The following URM1 variants were observed in gnomAD, a reference collection of about 807,000 sequenced individuals.
The protein encoded by URM1 is ubiquitin-related modifier 1.
Under a neutral mutation model 17.7 loss-of-function variants are expected in URM1, and 11 were observed. The observed-to-expected ratio is 0.62, with a 90% CI of 0.39 to 1.03. The LOEUF (loss-of-function observed/expected upper bound fraction) is 1.03, where lower values mean the gene tolerates loss of function less well. URM1 is among the 50% of genes least tolerant of loss of function. URM1 has a pLI of 0.00. For synonymous variants in URM1, 48 were observed against 50.6 expected, an observed-to-expected ratio of 0.95 and a Z score of 0.22; for missense variants, 128 against 129.2, an observed-to-expected ratio of 0.99 and a Z score of 0.04.
rs370348671 is a variant in URM1, at chr9:128,389,722, G to A, written c.294G>A (p.Leu98=). The A allele has an allele frequency of 8.1e-5, 130 of 1,613,392 alleles. No individual in the cohort carries two copies. The highest frequency in any genetic ancestry group is 1.0e-4 in the Non-Finnish European group (118 of 1,180,004). Residue 98 remains leucine, a synonymous_variant, in exon 5 of 5, where the codon CTG becomes CTA. Coordinates refer to ENST00000372853, the MANE Select transcript of URM1 (RefSeq NM_030914.4). ...ACAGCGTCCTCTTCATCTCCACTCTGCACGGCGGCTGAGGGCCCTTCTCTG... is the reference window on the plus strand; with the variant it reads ...ACAGCGTCCTCTTCATCTCCACTCTACACGGCGGCTGAGGGCCCTTCTCTG... The part of the protein sequence containing the change: ...DQDSVLFIST[L]HGG
chr9:128,374,785 T>C (rs1302989648), intron 1 of URM1, among the ~76,000 whole-genome samples: 3 of 152,122 alleles, frequency 2.0e-5, no homozygotes, highest in African/African-American at 7.2e-5. Context: ...CCACAAGAAG[T>C]CTGAGATGGG....
chr9:128,383,660 C>T (rs975257365), intron 2 of URM1, among the ~76,000 whole-genome samples: 2 of 152,136 alleles, frequency 1.3e-5, no homozygotes, highest in Non-Finnish European at 2.9e-5. Context: ...CAATCAGAGC[C>T]GCTCCACAGA....
At chr9:128,372,673 C>A (rs150240832) in intron 1 of URM1, among the ~76,000 whole-genome samples, 1 of 152,256 alleles carries the variant, frequency 6.6e-6, no homozygotes, top group East Asian at 1.9e-4. Context: ...GCCTCACTGA[C>A]CCTTGGCCCA....
At position 128,392,001 on chromosome 9, in the gene URM1, C is replaced by A. The variant is rs1423657077; in HGVS notation, c.*2267C>A. 6.6e-6 allele frequency: 1 copy of A among 152,346 alleles called. No homozygotes were observed. The highest frequency in any genetic ancestry group is 1.5e-5 in the Non-Finnish European group (1 of 68,134). The allele number at this position is 152,346 out of a possible 1,614,324, so 9.4% of individuals were successfully genotyped here. A position where few individuals can be genotyped will look rare whatever the true frequency, so the allele number is the denominator to read the frequency against. On this transcript the variant is annotated 3_prime_UTR_variant, in exon 5 of 5. Transcript: ENST00000372853. The surrounding 1 kb of genome is among the most constrained non-coding windows in gnomAD (Gnocchi z 6.5). ...CTTTTGAGGAAATAAACAAATAAAA[C>A]CCCGCTATCTCCGAAGATTTTTCTT...
chr9:128,377,915 C>T (rs897268597), intron 1 of URM1, 121 bp from the exon 2 acceptor site: 1 of 980,700 alleles, frequency 1.0e-6, no homozygotes, highest in Non-Finnish European at 1.6e-6. Flanking sequence ...TGTTTCTGCA[C>T]CTTAGTCTCT....
chr9:128,377,590 A>G (rs1161570458), intron 1 of URM1, among the ~76,000 whole-genome samples: 1 of 152,148 alleles, frequency 6.6e-6, no homozygotes, highest in Non-Finnish European at 1.5e-5. Context: ...GAATCACTTG[A>G]ACCTGGGAGG....
In URM1 at chr9:128,378,062, G is replaced by T; in HGVS notation, c.62G>T (p.Gly21Val). The T allele has an allele frequency of 6.2e-7, 1 of 1,611,410 alleles. No individual in the cohort carries two copies. Among genetic ancestry groups the T allele is most frequent in the Non-Finnish European group, 8.5e-7 (1 of 1,178,876 alleles). ...FGGGAELLFDGIKKHRVTLPG... is the reference protein window; with the variant it reads ...FGGGAELLFDVIKKHRVTLPG... ...GGTGGTGCGGAGCTCCTGTTTGACG[G>T]TATTAAGAAACATCGAGTCACTTTG... The change falls in exon 2 of 5, where the codon GGT becomes GTT. Residue 21 changes from glycine (G) to valine (V), a missense_variant. Physicochemically the swap from Gly to Val is moderately radical, Grantham distance 109. Coordinates refer to ENST00000372853, the MANE Select transcript of URM1 (RefSeq NM_030914.4).
At chr9:128,389,492 T>C (rs1257708060) in intron 4 of URM1, 174 bp from the exon 5 acceptor site, 2 of 1,556,986 alleles carry the variant, frequency 1.3e-6, no homozygotes, top group South Asian at 2.3e-5. Flanking sequence ...GCTGGGGACA[T>C]GGGAGTACTC....
At chr9:128,382,591 G>T (rs1833174171) in intron 2 of URM1, among the ~76,000 whole-genome samples, 1 of 152,142 alleles carries the variant, frequency 6.6e-6, no homozygotes, top group Non-Finnish European at 1.5e-5. Flanking sequence ...AAGGCCTGAG[G>T]GAGTGAGACT....
Position 128,389,804 on chromosome 9 carries a change from C to G in URM1, c.*70C>G. On this transcript the variant is annotated 3_prime_UTR_variant, in exon 5 of 5. Coordinates refer to ENST00000372853, the MANE Select transcript of URM1 (RefSeq NM_030914.4). Reference sequence around the variant, plus strand: ...CAATCAGACATCCCCTTGGGCCCTGCTTCCAGGTCTCCCTGTCCCCCTTGC... The same window carrying G: ...CAATCAGACATCCCCTTGGGCCCTGGTTCCAGGTCTCCCTGTCCCCCTTGC... 1 of 1,597,094 alleles carries G rather than the reference C, an allele frequency of 6.3e-7. No homozygotes were observed. Among genetic ancestry groups the G allele is most frequent in the Non-Finnish European group, 8.6e-7 (1 of 1,169,054 alleles).
intron 2 of URM1, among the ~76,000 whole-genome samples, chr9:128,386,771 A>C (rs147280199): frequency 2.0e-5 from 3 of 152,322 alleles, no homozygotes; most frequent in African/African-American, 7.2e-5. Context: ...CTTAGCCCTG[A>C]GCTTTGTCTC....
chr9:128,376,624 G>C (rs1833081709), intron 1 of URM1, among the ~76,000 whole-genome samples: 1 of 152,056 alleles, frequency 6.6e-6, no homozygotes, highest in Non-Finnish European at 1.5e-5. Flanking sequence ...TCGCACTACT[G>C]CACTCCAGCC....
At chr9:128,389,194 C>T (rs962656961) in intron 3 of URM1, 67 bp from the exon 4 acceptor site, 1 of 1,532,692 alleles carries the variant, frequency 6.5e-7, no homozygotes, top group Admixed American at 1.9e-5. Context: ...AGCTCTCAGC[C>T]TCTCTTCCTC....
At chr9:128,376,302 T>C (rs1300403359) in intron 1 of URM1, among the ~76,000 whole-genome samples, 1 of 151,792 alleles carries the variant, frequency 6.6e-6, no homozygotes, top group Non-Finnish European at 1.5e-5. Flanking sequence ...GTTAAGGTTG[T>C]ATCAAGCTGA....
chr9:128,374,739 T>C (rs11999003), intron 1 of URM1, among the ~76,000 whole-genome samples: 50,039 of 152,082 alleles, frequency 0.33, 11,695 homozygotes, highest in African/African-American at 0.67. Flanking sequence ...GACATCTCAT[T>C]CTTCAAAAGT....
chr9:128,381,796 G>T (rs1264691804), intron 2 of URM1, among the ~76,000 whole-genome samples: 1 of 152,246 alleles, frequency 6.6e-6, no homozygotes, highest in African/African-American at 2.4e-5. Flanking sequence ...TTCAGAACTA[G>T]CTTTCAGGCC....
chr9:128,382,958 G>A (rs1303266047), intron 2 of URM1, among the ~76,000 whole-genome samples: 1 of 152,148 alleles, frequency 6.6e-6, no homozygotes, highest in Non-Finnish European at 1.5e-5. Context: ...TGTAGACATG[G>A]CCGCCTCACC....
At chr9:128,371,583 A>G (rs1833013130) in intron 1 of URM1, among the ~76,000 whole-genome samples, 168 bp downstream of exon 1, 1 of 152,224 alleles carries the variant, frequency 6.6e-6, no homozygotes, top group Non-Finnish European at 1.5e-5. Flanking sequence ...CTCTCTTGGC[A>G]GTGAGGCCGT....
At chr9:128,389,555 G>C (rs1231042171) in intron 4 of URM1, 111 bp from the exon 5 acceptor site, 1 of 1,557,788 alleles carries the variant, frequency 6.4e-7, no homozygotes, top group Admixed American at 1.9e-5. Flanking sequence ...TTTTCTGGTA[G>C]AGTCTGTCTC....
Sources: gnomAD v4.1 joint callset for allele counts (sites outside exome capture counted in the v4.1 genomes callset) on GRCh38, gnomAD v4.1.1 for gene constraint, Gnocchi (gnomAD v3.1) non-coding constraint, MANE v1.5 for transcripts, NCBI Gene and HGNC (gene_info 2026-07-23, HGNC 2026-07-21) for gene names.